ABCC6: variants seen among roughly 807,000 people sequenced by gnomAD.
ABCC6 encodes ATP binding cassette subfamily C member 6.
In ABCC6, 126 loss-of-function variants were observed where a neutral mutation model predicts 169.5. That is an observed-to-expected ratio of 0.74 (90% CI 0.64 to 0.86). The LOEUF (loss-of-function observed/expected upper bound fraction) is 0.86. Ranked by LOEUF, ABCC6 falls within the 40% of genes least tolerant of loss-of-function variation. The probability of loss-of-function intolerance (pLI) is 0.00; values close to 1 mark genes in which losing one functional copy is unlikely to be tolerated. For synonymous variants in ABCC6, 752 were observed against 814.7 expected (o/e 0.92, Z 1.31); for missense variants, 1,733 against 1,927.2 (o/e 0.90, Z 1.89).
chr16:16,200,828 C>T (rs2048212788), intron 9 of ABCC6, among the ~76,000 whole-genome samples: 1 of 150,832 alleles, frequency 6.6e-6, no homozygotes, highest in Non-Finnish European at 1.5e-5. Flanking sequence ...GGGCAGCAGT[C>T]CAGGGACTTA....
rs1403467139 is a variant in ABCC6, at chr16:16,214,352, G to C, written c.572C>G (p.Pro191Arg). The C allele has an allele frequency of 3.2e-6, 5 of 1,550,922 alleles. No homozygotes were observed. The Admixed American group carries it at 5.9e-5, about 18-fold the overall frequency. ...CTGCTGGGGGTCTTCAGGGAAGAAG[G>C]GGGGTTGATCCGCCAGGCAGGACAG... ...FVLSCLADQP[P>R]FFPEDPQQSN... Residue 191 changes from proline (P) to arginine (R), a missense_variant, in exon 5 of 31, where the codon CCC becomes CGC. This residue lies in a region of ABCC6 where 49 missense variants were observed against 85.8 expected (regional missense o/e 0.57). Transcript: ENST00000205557.
In ABCC6 at chr16:16,154,856, C is replaced by G; in HGVS notation, c.4041+17G>C. 6.2e-7 allele frequency: 1 copy of G among 1,611,662 alleles called. No homozygotes were observed. Among genetic ancestry groups the G allele is most frequent in the Non-Finnish European group, 8.5e-7 (1 of 1,179,084 alleles). On this transcript the variant is annotated intron_variant, in intron 28 of 30. Transcript: ENST00000205557. The stretch of plus-strand genomic sequence containing the variant: ...ACCATGCCTCCCATCTTTGCCCACC[C>G]CCTCCACCAGCCTCACCTGGGGGAT...
chr16:16,188,855 G>A lies in ABCC6; in HGVS notation c.1755C>T (p.Pro585=). The change falls in exon 13 of 31, where the codon CCC becomes CCT. Residue 585 remains proline, a synonymous_variant. Coordinates refer to ENST00000205557, the MANE Select transcript of ABCC6 (RefSeq NM_001171.6). ...CCTGGACGAGGGAGTGGATGGAGAA[G>A]GGCAGGAAAGCCTGGGCCTTGTTGA... The part of the protein sequence containing the change: ...NILNKAQAFL[P]FSIHSLVQAR... The A allele has an allele frequency of 1.2e-6, 2 of 1,614,016 alleles. No homozygotes were observed. Among genetic ancestry groups the A allele is most frequent in the Middle Eastern group, 1.7e-4 (1 of 6,054 alleles).
chr16:16,181,465 T>C (rs2047470762), intron 17 of ABCC6, among the ~76,000 whole-genome samples: 1 of 151,838 alleles, frequency 6.6e-6, no homozygotes, highest in Non-Finnish European at 1.5e-5. Context: ...GTGAAGGTGA[T>C]AGAAGTGAGG....
rs1180336507 is a variant in ABCC6, at chr16:16,208,662, G to T, written c.794+66C>A. ...GCCGGGATTACAGTCGTGAGCCACC[G>T]CACCCGGCCAATGATGAGCTTTTCT... On this transcript the variant is annotated intron_variant, in intron 7 of 30. Coordinates refer to ENST00000205557, the MANE Select transcript of ABCC6 (RefSeq NM_001171.6). 3.7e-6 allele frequency: 6 copies of T among 1,611,004 alleles called. No homozygotes were observed. In the Admixed American group the frequency reaches 8.3e-5, roughly 22 times the overall value.
At chr16:16,193,669 G>T (rs1315093312) in intron 10 of ABCC6, among the ~76,000 whole-genome samples, 1 of 152,138 alleles carries the variant, frequency 6.6e-6, no homozygotes, top group South Asian at 2.1e-4. Flanking sequence ...AGCCACGATC[G>T]CACCACTGCA....
At chr16:16,156,128 C>T (rs1857922326) in intron 27 of ABCC6, among the ~76,000 whole-genome samples, 1 of 152,160 alleles carries the variant, frequency 6.6e-6, no homozygotes, top group African/African-American at 2.4e-5. Flanking sequence ...GTTGGCCAGG[C>T]TGGTCTCAAA....
At chr16:16,202,492 G>C (rs1011480580) in intron 8 of ABCC6, among the ~76,000 whole-genome samples, 15 of 152,146 alleles carry the variant, frequency 9.9e-5, no homozygotes, top group Non-Finnish European at 2.2e-4. Context: ...GAATGTGACT[G>C]TATTTGGAAA....
chr16:16,189,688 G>C (rs1037718662), intron 12 of ABCC6, among the ~76,000 whole-genome samples: 1 of 152,194 alleles, frequency 6.6e-6, no homozygotes, highest in Non-Finnish European at 1.5e-5. Context: ...AAAGTATTGG[G>C]ACGACAGGCA....
intron 18 of ABCC6, among the ~76,000 whole-genome samples, chr16:16,178,325 T>A (rs538195383): frequency 6.8e-6 from 1 of 147,332 alleles, no homozygotes; most frequent in Non-Finnish European, 1.5e-5. Flanking sequence ...AGACTCCATC[T>A]CAAAAAAAAA....
intron 20 of ABCC6, among the ~76,000 whole-genome samples, chr16:16,173,696 CTT>C (rs763177730): frequency 1.1e-4 from 16 of 139,146 alleles, no homozygotes; most frequent in Admixed American, 3.6e-4. Flanking sequence ...TCAGAATTTT[CTT>C]TTTTTTTTTT....
At chr16:16,186,527 C>T (rs2047658157) in intron 14 of ABCC6, among the ~76,000 whole-genome samples, 1 of 151,486 alleles carries the variant, frequency 6.6e-6, no homozygotes, top group South Asian at 2.1e-4. Context: ...TCAGCAGCAG[C>T]AATAGATTCT....
rs139128550 is a variant in ABCC6 at position 16,154,912 on chromosome 16, C to G, written c.4002G>C (p.Gly1334=). 7.5e-5 allele frequency: 120 copies of G among 1,610,142 alleles called. No individual in the cohort carries two copies. Among genetic ancestry groups the G allele is most frequent in the Admixed American group, 3.5e-4 (21 of 59,492 alleles). ...WIDGVPIAHV[G]LHTLRSRISI... is the part of the protein sequence containing the mutation. Reference sequence around the variant, plus strand: ...TGATCCTGGAGCGCAGTGTGTGCAGCCCCACGTGGGCAATGGGGACCCCGT... The same window carrying G: ...TGATCCTGGAGCGCAGTGTGTGCAGGCCCACGTGGGCAATGGGGACCCCGT... The change falls in exon 28 of 31, where the codon GGG becomes GGC. Residue 1334 remains glycine, a synonymous_variant. Coordinates refer to ENST00000205557, the MANE Select transcript of ABCC6 (RefSeq NM_001171.6).
At chr16:16,194,676 G>GTTTA (rs993740990) in intron 10 of ABCC6, among the ~76,000 whole-genome samples, 50 of 152,080 alleles carry the variant, frequency 3.3e-4, no homozygotes, top group East Asian at 2.1e-3. Flanking sequence ...GGAACACTAT[G>GTTTA]TTTATTTATT....
intron 17 of ABCC6, chr16:16,181,679 C>G (rs1393895777): frequency 6.5e-6 from 1 of 153,642 alleles, no homozygotes. Context: ...ATTGTCATGA[C>G]TTGGGCTTTG....
At chr16:16,220,621 G>A (rs996128360) in intron 2 of ABCC6, among the ~76,000 whole-genome samples, 4 of 152,110 alleles carry the variant, frequency 2.6e-5, no homozygotes, top group Admixed American at 2.6e-4. Context: ...GTCGGCCGGG[G>A]GTGGTGGCTT....
intron 29 of ABCC6, among the ~76,000 whole-genome samples, chr16:16,152,496 C>T (rs2046416251): frequency 1.3e-5 from 2 of 152,054 alleles, no homozygotes; most frequent in South Asian, 4.2e-4. Flanking sequence ...AAGCCCCAGG[C>T]CTCCAATTCC....
intron 18 of ABCC6, 26 bp downstream of exon 18, chr16:16,178,772 T>C: frequency 1.2e-6 from 2 of 1,613,790 alleles, no homozygotes; most frequent in Non-Finnish European, 1.7e-6. Flanking sequence ...TGCCCTGTAC[T>C]GTCTGACACA....
chr16:16,151,394 C>T (rs1280773593), intron 29 of ABCC6, among the ~76,000 whole-genome samples: 1 of 152,212 alleles, frequency 6.6e-6, no homozygotes, highest in Non-Finnish European at 1.5e-5. Context: ...AATCATCATA[C>T]TATTTTCCAT....
Sources: allele counts gnomAD v4.1 joint callset (sites outside exome capture counted in the v4.1 genomes callset), GRCh38; gene constraint gnomAD v4.1.1; regional missense constraint gnomAD v4.1.1; transcripts MANE v1.5; gene names NCBI Gene and HGNC (gene_info 2026-07-23, HGNC 2026-07-21).